Variants in SAMD4A observed in about 807,000 individuals in gnomAD.
The protein encoded by SAMD4A is protein Smaug homolog 1.
Under a neutral mutation model 81.3 loss-of-function variants are expected in SAMD4A, and 33 were observed. The ratio of observed to expected loss-of-function variants is 0.41; its 90% CI spans 0.31 to 0.54. SAMD4A has a LOEUF of 0.54. SAMD4A is among the 20% of genes least tolerant of loss of function. SAMD4A has a pLI of 0.37. For synonymous variants in SAMD4A, 389 were observed against 382.1 expected (o/e 1.02, Z -0.21); for missense variants, 854 against 951.1 (o/e 0.90, Z 1.34).
At chr14:54,625,406 T>C (rs565054511) in intron 2 of SAMD4A, among the ~76,000 whole-genome samples, 11 of 152,372 alleles carry the variant, frequency 7.2e-5, no homozygotes, top group Admixed American at 1.3e-4. Context: ...TTGTAGGGAA[T>C]GGAATGTAAA....
chr14:54,650,722 A>G (rs28703272), intron 2 of SAMD4A, among the ~76,000 whole-genome samples: 2,074 of 152,202 alleles, frequency 0.014, 25 homozygotes, highest in East Asian at 0.047. Flanking sequence ...GATTTTCCCA[A>G]CATAAGCTTT....
chr14:54,689,174 C>T (rs1008766676), intron 2 of SAMD4A, among the ~76,000 whole-genome samples: 4 of 152,134 alleles, frequency 2.6e-5, no homozygotes, highest in African/African-American at 9.7e-5. Context: ...TACAGGTGAT[C>T]CACCCACCTC....
Position 54,760,439 on chromosome 14 carries a change from C to T in SAMD4A, c.1455C>T (p.Val485=), listed in dbSNP as rs1015426787. 2.1e-5 allele frequency: 30 copies of T among 1,428,006 alleles called. No individual in the cohort carries two copies. The highest frequency in any genetic ancestry group is 3.2e-5 in the Admixed American group (1 of 31,732). The allele number at this position is 1,428,006 out of a possible 1,614,324, so 88.5% of individuals were successfully genotyped here. A position where few individuals can be genotyped will look rare whatever the true frequency, so the allele number is the denominator to read the frequency against. ...QLSSCDGELA[V]APLPEGDLPG... Reference sequence around the variant, plus strand: ...GCAGCTGCGATGGGGAGCTGGCCGTCGCCCCCCTGCCAGAGGGGGACCTCC... The same window carrying T: ...GCAGCTGCGATGGGGAGCTGGCCGTTGCCCCCCTGCCAGAGGGGGACCTCC... Residue 485 remains valine, a synonymous_variant, in exon 7 of 13, where the codon GTC becomes GTT. Transcript: ENST00000554335.
intron 2 of SAMD4A, among the ~76,000 whole-genome samples, chr14:54,679,362 G>A (rs535835246): frequency 2.0e-5 from 3 of 152,188 alleles, no homozygotes; most frequent in African/African-American, 7.2e-5. Context: ...TAAAACACAA[G>A]TGCTAATATT....
chr14:54,602,374 A>ACACACACG (rs1202335135), intron 2 of SAMD4A, among the ~76,000 whole-genome samples: 2 of 143,492 alleles, frequency 1.4e-5, no homozygotes, highest in African/African-American at 2.6e-5. Flanking sequence ...ACACACACAC[A>ACACACACG]CGAAACACCA....
At chr14:54,716,189 C>T (rs1213163800) in intron 3 of SAMD4A, among the ~76,000 whole-genome samples, 1 of 152,184 alleles carries the variant, frequency 6.6e-6, no homozygotes, top group Non-Finnish European at 1.5e-5. Flanking sequence ...GGACACTCAG[C>T]TTTTGCCCTG....
At chr14:54,607,450 AG>A (rs1195484931) in intron 2 of SAMD4A, among the ~76,000 whole-genome samples, 1 of 149,256 alleles carries the variant, frequency 6.7e-6, no homozygotes, top group Non-Finnish European at 1.5e-5. Context: ...CAGGAGTTCA[AG>A]GTCTCATTTT....
chr14:54,703,403 A>G (rs1345816944), intron 3 of SAMD4A: 4 of 152,234 alleles, frequency 2.6e-5, no homozygotes, highest in Non-Finnish European at 4.4e-5. Context: ...TGTATAAAGT[A>G]GCGGTGTGGA....
At chr14:54,724,726 A>G (rs1225452740) in intron 3 of SAMD4A, among the ~76,000 whole-genome samples, 1 of 152,160 alleles carries the variant, frequency 6.6e-6, no homozygotes, top group Non-Finnish European at 1.5e-5. Flanking sequence ...AAAACCAGAC[A>G]TTAGGAGACC....
chr14:54,664,412 A>G (rs1338407598), intron 2 of SAMD4A, among the ~76,000 whole-genome samples: 3 of 152,330 alleles, frequency 2.0e-5, no homozygotes, highest in Admixed American at 6.5e-5. Flanking sequence ...TAATGAGCAT[A>G]TAAAGATGCT....
chr14:54,595,173 C>T (rs2033878909), intron 2 of SAMD4A, among the ~76,000 whole-genome samples: 1 of 152,094 alleles, frequency 6.6e-6, no homozygotes, highest in Admixed American at 6.6e-5. Context: ...TTTCATTTCC[C>T]AACACAAAGG....
At chr14:54,691,477 C>T (rs1295950237) in intron 2 of SAMD4A, among the ~76,000 whole-genome samples, 1 of 149,374 alleles carries the variant, frequency 6.7e-6, no homozygotes, top group Non-Finnish European at 1.5e-5. Flanking sequence ...CATTCTTCAC[C>T]ATCATCCTTC....
chr14:54,672,165 T>G (rs1351427339), intron 2 of SAMD4A, among the ~76,000 whole-genome samples: 1 of 152,058 alleles, frequency 6.6e-6, no homozygotes, highest in Non-Finnish European at 1.5e-5. Flanking sequence ...GTTCAAGCGA[T>G]TCTCCCACTT....
At chr14:54,597,584 C>CTT (rs71127662) in intron 2 of SAMD4A, among the ~76,000 whole-genome samples, 9,945 of 90,740 alleles carry the variant, frequency 0.11, 915 homozygotes, top group East Asian at 0.27. Context: ...TTCCTTCTAT[C>CTT]TTTTTTTTTT....
chr14:54,589,582 G>A lies in SAMD4A; in HGVS notation c.196+21470G>A, dbSNP rs139070021. Among the ~76,000 whole-genome samples the A allele has an allele frequency of 3.7e-3, 561 of 152,268 alleles. 6 individuals are homozygous for A. Among genetic ancestry groups the A allele is most frequent in the African/African-American group, 0.013 (534 of 41,554 alleles). Reference sequence around the variant, plus strand: ...GTATGTCTTTTGGGGAGGGAAAAAGGTGGCTTGTGTTATTCACTCATTCAT... The same window carrying A: ...GTATGTCTTTTGGGGAGGGAAAAAGATGGCTTGTGTTATTCACTCATTCAT... On this transcript the variant is annotated intron_variant, in intron 2 of 12. Coordinates refer to ENST00000554335, the MANE Select transcript of SAMD4A (RefSeq NM_015589.6).
chr14:54,658,882 G>T (rs1303559403), intron 2 of SAMD4A, among the ~76,000 whole-genome samples: 1 of 152,222 alleles, frequency 6.6e-6, no homozygotes, highest in Non-Finnish European at 1.5e-5. Context: ...CATGCCCGTG[G>T]CTGGGCACCT....
At chr14:54,633,879 A>G (rs925648184) in intron 2 of SAMD4A, among the ~76,000 whole-genome samples, 9 of 152,144 alleles carry the variant, frequency 5.9e-5, no homozygotes, top group Non-Finnish European at 4.4e-5. Flanking sequence ...TTTATTAGGT[A>G]TTGAGATGGG....
At chr14:54,569,094 AGGGTGAACAGAG>A (rs2033051199) in intron 2 of SAMD4A, among the ~76,000 whole-genome samples, 1 of 152,016 alleles carries the variant, frequency 6.6e-6, no homozygotes, top group Non-Finnish European at 1.5e-5. Flanking sequence ...CTGCTGCAGG[AGGGTGAACAGAG>A]TCCCCAGTGT....
At chr14:54,737,561 T>TTTTTTTTTTTTTTTTTTTTTTTTG (rs34263162) in intron 4 of SAMD4A, among the ~76,000 whole-genome samples, 2 of 122,606 alleles carry the variant, frequency 1.6e-5, no homozygotes, top group Admixed American at 9.4e-5. Context: ...TTTTTTTTTT[T>TTTTTTTTTTTTTTTTTTTTTTTTG]GCATTGCAGT....
Sources: gnomAD v4.1 joint callset for allele counts (sites outside exome capture counted in the v4.1 genomes callset) on GRCh38, gnomAD v4.1.1 for gene constraint, MANE v1.5 for transcripts, NCBI Gene and HGNC (gene_info 2026-07-23, HGNC 2026-07-21) for gene names.